The following MAD1L1 variants were observed in gnomAD, a reference collection of about 807,000 sequenced individuals.
MAD1L1 encodes mitotic arrest deficient 1 like 1.
In MAD1L1, 95 loss-of-function variants were observed where a neutral mutation model predicts 96.9. The observed-to-expected ratio is 0.98, with a 90% CI of 0.83 to 1.16. The LOEUF is 1.16. Among genes scored for constraint, MAD1L1 ranks in the 50% most tolerant of loss-of-function variants. The pLI is 0.00. For synonymous variants in MAD1L1, 473 were observed against 396.6 expected (o/e 1.19, Z -2.29); for missense variants, 1,007 against 954.4 (o/e 1.06, Z -0.73).
chr7:1,884,510 G>A (rs541019155), intron 18 of MAD1L1, among the ~76,000 whole-genome samples: 4 of 152,348 alleles, frequency 2.6e-5, no homozygotes, highest in South Asian at 2.1e-4. Flanking sequence ...AGGCCCTGAG[G>A]CCGTCCTGCT....
At chr7:1,828,356 C>G (rs542079259) in intron 18 of MAD1L1, among the ~76,000 whole-genome samples, 1 of 152,000 alleles carries the variant, frequency 6.6e-6, no homozygotes, top group Non-Finnish European at 1.5e-5. Flanking sequence ...GGAGCCAGGG[C>G]GCCGAAAAGA....
chr7:1,957,862 G>C (rs1779794453), intron 15 of MAD1L1, 143 bp from the exon 16 acceptor site: 2 of 683,466 alleles, frequency 2.9e-6, no homozygotes, highest in Non-Finnish European at 2.5e-6. Flanking sequence ...GAAGCTCTCA[G>C]AGTCCAGCGA....
intron 12 of MAD1L1, among the ~76,000 whole-genome samples, chr7:2,062,147 C>A (rs111243376): frequency 2.0e-5 from 3 of 151,088 alleles, no homozygotes; most frequent in Admixed American, 6.6e-5. Flanking sequence ...GAGGCTGAGG[C>A]GAGAGAATGG....
chr7:1,929,224 C>T (rs1003978228), intron 17 of MAD1L1, among the ~76,000 whole-genome samples: 1 of 152,144 alleles, frequency 6.6e-6, no homozygotes, highest in African/African-American at 2.4e-5. Flanking sequence ...TCTCCCTCTT[C>T]CTCGCTCCTC....
chr7:2,223,358 A>G (rs1236520616), intron 4 of MAD1L1: 2 of 152,318 alleles, frequency 1.3e-5, no homozygotes, highest in African/African-American at 4.8e-5. Context: ...GGGATGGGAC[A>G]TGACCAAGCA....
At chr7:1,832,781 G>A (rs1485579419) in intron 18 of MAD1L1, among the ~76,000 whole-genome samples, 1 of 147,662 alleles carries the variant, frequency 6.8e-6, no homozygotes, top group Non-Finnish European at 1.5e-5. Flanking sequence ...ACAGGTACGT[G>A]CCACCATGCC....
At chr7:1,865,554 A>C (rs899615079) in intron 18 of MAD1L1, among the ~76,000 whole-genome samples, 1 of 152,264 alleles carries the variant, frequency 6.6e-6, no homozygotes, top group African/African-American at 2.4e-5. Context: ...TGGGAAGATG[A>C]GTCTTTTTAC....
chr7:2,228,869 T>C (rs1461391155), intron 3 of MAD1L1, among the ~76,000 whole-genome samples: 1 of 151,854 alleles, frequency 6.6e-6, no homozygotes, highest in African/African-American at 2.4e-5. Context: ...GCCTCCCGAG[T>C]AGCTGGGACT....
At chr7:2,168,095 G>A (rs1033786728) in intron 10 of MAD1L1, among the ~76,000 whole-genome samples, 6 of 152,120 alleles carry the variant, frequency 3.9e-5, no homozygotes, top group Non-Finnish European at 7.4e-5. Flanking sequence ...GAACAGCCTG[G>A]CCAACATGGC....
intron 14 of MAD1L1, among the ~76,000 whole-genome samples, chr7:1,985,722 G>A (rs11974923): frequency 6.6e-6 from 1 of 152,114 alleles, no homozygotes; most frequent in Admixed American, 6.5e-5. Flanking sequence ...CTCTTGCTGC[G>A]GGTTCTTTAG....
At chr7:2,232,044 T>C (rs982593810) in intron 1 of MAD1L1, among the ~76,000 whole-genome samples, 2 of 152,086 alleles carry the variant, frequency 1.3e-5, no homozygotes, top group African/African-American at 4.8e-5. Flanking sequence ...AGAACGGAGA[T>C]TGGAACTTGG....
chr7:2,190,040 G>A (rs1307666294), intron 10 of MAD1L1, among the ~76,000 whole-genome samples: 2 of 151,978 alleles, frequency 1.3e-5, no homozygotes, highest in African/African-American at 4.8e-5. Flanking sequence ...TAAATGGGGG[G>A]AAAGAAAACA....
At chr7:2,221,996 C>T (rs1478152821) in intron 5 of MAD1L1, among the ~76,000 whole-genome samples, 1 of 152,062 alleles carries the variant, frequency 6.6e-6, no homozygotes, top group East Asian at 1.9e-4. Flanking sequence ...AACACAAACA[C>T]ACTAAACGTC....
chr7:2,121,230 T>G (rs1354368207), intron 11 of MAD1L1, among the ~76,000 whole-genome samples: 1 of 152,198 alleles, frequency 6.6e-6, no homozygotes, highest in African/African-American at 2.4e-5. Context: ...CCATGTGAGG[T>G]GTAGGCGCTG....
intron 11 of MAD1L1, among the ~76,000 whole-genome samples, chr7:2,133,306 G>A (rs931353736): frequency 1.3e-5 from 2 of 152,068 alleles, no homozygotes; most frequent in Non-Finnish European, 2.9e-5. Context: ...TTTCAATGCT[G>A]AGCATCTCCG....
At position 1,995,618 on chromosome 7, in the gene MAD1L1, C is replaced by G. The variant is rs575497289; in HGVS notation, c.1416+6447G>C. On this transcript the variant is annotated intron_variant, in intron 14 of 18. Transcript: ENST00000265854. ...GGAGAGTGAGCTAAGGACACAGTCT[C>G]AGACTTTGAGCCATTCCCCAGACCT... 4.3e-4 allele frequency among the ~76,000 whole-genome samples: 66 copies of G among 152,334 alleles called. 1 individual carries two copies. Among genetic ancestry groups the G allele is most frequent in the African/African-American group, 1.6e-3 (66 of 41,576 alleles).
intron 11 of MAD1L1, among the ~76,000 whole-genome samples, chr7:2,139,799 G>A (rs559359655): frequency 1.1e-4 from 16 of 152,316 alleles, no homozygotes; most frequent in Middle Eastern, 3.4e-3. Flanking sequence ...CACTTCCCCC[G>A]ACCCTCAAGG....
At chr7:2,130,459 C>T (rs927509432) in intron 11 of MAD1L1, among the ~76,000 whole-genome samples, 2 of 152,206 alleles carry the variant, frequency 1.3e-5, no homozygotes, top group African/African-American at 2.4e-5. Flanking sequence ...TAACTCTCTA[C>T]GTCGTCTGCG....
intron 16 of MAD1L1, among the ~76,000 whole-genome samples, chr7:1,940,976 C>G (rs556287581): frequency 6.7e-5 from 10 of 149,886 alleles, no homozygotes; most frequent in South Asian, 2.1e-4. Flanking sequence ...AGGCCTCACC[C>G]TCCTCTTCCT....
Sources: allele counts gnomAD v4.1 joint callset (sites outside exome capture counted in the v4.1 genomes callset), GRCh38; gene constraint gnomAD v4.1.1; transcripts MANE v1.5; gene names NCBI Gene and HGNC (gene_info 2026-07-23, HGNC 2026-07-21).